OR2T11: variants seen among roughly 807,000 people sequenced by gnomAD.
The protein encoded by OR2T11 is olfactory receptor family 2 subfamily T member 11.
OR2T11 carries 14 observed loss-of-function variants against 13.5 expected under a neutral mutation model. The ratio of observed to expected loss-of-function variants is 1.04; its 90% CI spans 0.69 to 1.62. The LOEUF is 1.62. OR2T11 is among the 40% of genes most tolerant of loss of function. The pLI, the probability that OR2T11 is intolerant of heterozygous loss-of-function variation, is 0.00. For missense variants in OR2T11, 410 were observed against 389.7 expected (o/e 1.05, Z -0.44); for synonymous variants, 163 against 154.6 (o/e 1.05, Z -0.40).
In OR2T11 at chr1:248,633,684, A is replaced by C. The variant is rs775740709; in HGVS notation, c.-145+1354T>G. ...ATTTTAATTTTTCCAAGTTTATAGA[A>C]TACTTCATTAACATCACTGGTCATT... On this transcript the variant is annotated intron_variant, in intron 1 of 1. Coordinates refer to ENST00000641193, the MANE Select transcript of OR2T11 (RefSeq NM_001001964.2). Among the ~76,000 whole-genome samples the C allele has an allele frequency of 2.6e-4, 17 of 65,238 alleles. 2 individuals carry two copies. The highest frequency in any genetic ancestry group is 4.4e-4 in the Non-Finnish European group (14 of 31,508). 42.8% of individuals were successfully genotyped at this position (65,238 alleles called of 152,430 possible).
At position 248,627,778 on chromosome 1, in the gene OR2T11, A is replaced by G. The variant is rs1660546007; in HGVS notation, c.-144-506T>C. Among the ~76,000 whole-genome samples the G allele has an allele frequency of 1.4e-5, 2 of 142,170 alleles. 1 individual carries two copies. The highest frequency in any genetic ancestry group is 5.6e-5 in the African/African-American group (2 of 35,830). The allele number at this position is 142,170 out of a possible 152,430, so 93.3% of individuals were successfully genotyped here. ...TAGCGTAGGTTGTGCTCACATTACT[A>G]ATTTCTCACCCCTCGCTCCGCTTTC... On this transcript the variant is annotated intron_variant, in intron 1 of 1. Coordinates refer to ENST00000641193, the MANE Select transcript of OR2T11 (RefSeq NM_001001964.2).
In OR2T11 at chr1:248,629,064, CTCT is replaced by C. The variant is rs1660566682; in HGVS notation, c.-144-1795_-144-1793del. ...CCACACTAAGGAGAAGAGAGCACAT[CTCT>C]TTGTCATATTAAACAAATTCAAACA... On this transcript the variant is annotated intron_variant, in intron 1 of 1. Transcript: ENST00000641193. Among the ~76,000 whole-genome samples the C allele has an allele frequency of 1.4e-5, 2 of 143,686 alleles. 1 individual carries two copies. Among genetic ancestry groups the C allele is most frequent in the Non-Finnish European group, 3.0e-5 (2 of 66,342 alleles). 94.3% of individuals were successfully genotyped at this position (143,686 alleles called of 152,430 possible). A position where few individuals can be genotyped will look rare whatever the true frequency, so the allele number is the denominator to read the frequency against.
At position 248,626,238 on chromosome 1, in the gene OR2T11, T is replaced by C; in HGVS notation, c.891A>G (p.Ala297=). 1.9e-6 allele frequency: 3 copies of C among 1,568,882 alleles called. No individual in the cohort carries two copies. The highest frequency in any genetic ancestry group is 2.3e-5 in the South Asian group (2 of 88,802). Residue 297 remains alanine, a synonymous_variant, in exon 2 of 2, where the codon GCA becomes GCG. Transcript: ENST00000641193. ...AGCAACATGCAAATACCTTTTTAAA[T>C]GCCCCTATGACGTCCTTGTTTCTGA... ...YSLRNKDVIG[A]FKKVFACCSS...
chr1:248,625,302 C>A lies in OR2T11; in HGVS notation c.*876G>T, dbSNP rs1660498056. The A allele has an allele frequency of 2.1e-5, 3 of 143,366 alleles. 1 individual carries two copies. Among genetic ancestry groups the A allele is most frequent in the Non-Finnish European group, 4.5e-5 (3 of 66,310 alleles). 8.9% of individuals were successfully genotyped at this position (143,366 alleles called of 1,614,324 possible). On this transcript the variant is annotated 3_prime_UTR_variant, in exon 2 of 2. Coordinates refer to ENST00000641193, the MANE Select transcript of OR2T11 (RefSeq NM_001001964.2). ...GTTTGCCCTTTGTTCTATTTTCCTA[C>A]ACTGTAGGCATAGTGATGCTTTAAA... is the stretch of plus-strand genomic sequence containing the variant.
At chr1:248,634,486 C>G (rs77108179) in intron 1 of OR2T11, among the ~76,000 whole-genome samples, 11,930 of 142,590 alleles carry the variant, frequency 0.084, 1,861 homozygotes, top group East Asian at 0.21. Context: ...GACATGGTCA[C>G]GGGAGTCACC....
Position 248,627,022 on chromosome 1 carries a change from A to G in OR2T11, c.107T>C (p.Val36Ala). 1 of 1,570,124 alleles carries G rather than the reference A, an allele frequency of 6.4e-7. No individual in the cohort carries two copies. The highest frequency in any genetic ancestry group is 1.1e-5 in the South Asian group (1 of 88,792). Residue 36 changes from valine to alanine, a missense_variant, in exon 2 of 2, where the codon GTG (valine) becomes GCG (alanine). Val to Ala is a moderately conservative substitution (Grantham distance 64, BLOSUM62 0). Coordinates refer to ENST00000641193, the MANE Select transcript of OR2T11 (RefSeq NM_001001964.2). ...TVILAVFLGA[V>A]TANLVMIFLI... ...GAATATCATGACCAAATTTGCAGTC[A>G]CGGCCCCCAAGAAAACAGCAAGGAT... is the stretch of plus-strand genomic sequence containing the variant.
rs1434526932 is a variant in OR2T11 at position 248,626,007 on chromosome 1, C to T, written c.*171G>A. ...TTGATACTTCACTGAAAGATCTCTG[C>T]ATAACAGTAAAACATCTTTCCCTTG... On this transcript the variant is annotated 3_prime_UTR_variant, in exon 2 of 2. Transcript: ENST00000641193. 9.7e-6 allele frequency: 5 copies of T among 516,504 alleles called. No individual in the cohort carries two copies. The highest frequency in any genetic ancestry group is 3.3e-5 in the Admixed American group (1 of 30,328). The allele number at this position is 516,504 out of a possible 1,614,324, so 32.0% of individuals were successfully genotyped here.
At position 248,628,814 on chromosome 1, in the gene OR2T11, G is replaced by A. The variant is rs537865458; in HGVS notation, c.-144-1542C>T. ...TCATATTACTGTGAAAGGGGCTAAG[G>A]ACTGTGGCCTCCTCTGTCAGGCCTC... is the stretch of plus-strand genomic sequence containing the variant. On this transcript the variant is annotated intron_variant, in intron 1 of 1. Transcript: ENST00000641193. Among the ~76,000 whole-genome samples the A allele has an allele frequency of 1.4e-5, 2 of 142,844 alleles. 1 individual carries two copies. The highest frequency in any genetic ancestry group is 4.4e-4 in the South Asian group (2 of 4,536). The allele number at this position is 142,844 out of a possible 152,430, so 93.7% of individuals were successfully genotyped here. A position where few individuals can be genotyped will look rare whatever the true frequency, so the allele number is the denominator to read the frequency against.
chr1:248,626,820 G>A lies in OR2T11; in HGVS notation c.309C>T (p.Thr103=), dbSNP rs749957018. The A allele has an allele frequency of 8.3e-6, 13 of 1,571,742 alleles. No individual in the cohort carries two copies. The East Asian group carries it at 3.0e-4, about 36-fold the overall frequency. ...ACGIQIFLYL[T]MIGSEFFLLG... is the part of the protein sequence containing the mutation. ...GGAGGAAGAACTCAGAACCAATCAT[G>A]GTCAGGTAGAGGAAGATCTGGATGC... is the stretch of plus-strand genomic sequence containing the variant. The change falls in exon 2 of 2, where the codon ACC becomes ACT. Residue 103 remains threonine (T), a synonymous_variant. Coordinates refer to ENST00000641193, the MANE Select transcript of OR2T11 (RefSeq NM_001001964.2).
At chr1:248,627,672 T>G (rs1444806916) in intron 1 of OR2T11, among the ~76,000 whole-genome samples, 4 of 143,428 alleles carry the variant, frequency 2.8e-5, no homozygotes, top group Admixed American at 2.0e-4. Context: ...TTTGTATAAG[T>G]TTAAGGACGA....
chr1:248,630,723 CTT>C (rs1248287814), intron 1 of OR2T11, among the ~76,000 whole-genome samples: 1 of 143,924 alleles, frequency 6.9e-6, no homozygotes, highest in Non-Finnish European at 1.5e-5. Context: ...CTGTAATAGA[CTT>C]AGTGTTAAAT....
rs1660491659 is a variant in OR2T11 at position 248,624,815 on chromosome 1, A to G, written c.*1363T>C. 7.0e-6 allele frequency: 1 copy of G among 143,840 alleles called. No homozygotes were observed. Among genetic ancestry groups the G allele is most frequent in the South Asian group, 2.2e-4 (1 of 4,594 alleles). 8.9% of individuals were successfully genotyped at this position (143,840 alleles called of 1,614,324 possible). ...GCCATCACGGCTCACTGCAGCCTCA[A>G]CTTCTCAGCCTCCCGTGATCCTCCC... On this transcript the variant is annotated 3_prime_UTR_variant, in exon 2 of 2. Transcript: ENST00000641193.
Position 248,626,127 on chromosome 1 carries a change from G to A in OR2T11, c.*51C>T, listed in dbSNP as rs1176913965. 9.9e-7 allele frequency: 1 copy of A among 1,014,778 alleles called. No individual in the cohort carries two copies. 62.9% of individuals were successfully genotyped at this position (1,014,778 alleles called of 1,614,324 possible). A position where few individuals can be genotyped will look rare whatever the true frequency, so the allele number is the denominator to read the frequency against. The stretch of plus-strand genomic sequence containing the variant: ...TGAGCAGATCATCTCCAGGGAAACA[G>A]GGCAAATGGAGGAAGTCCTTAGGAA... On this transcript the variant is annotated 3_prime_UTR_variant, in exon 2 of 2. Coordinates refer to ENST00000641193, the MANE Select transcript of OR2T11 (RefSeq NM_001001964.2).
In OR2T11 at chr1:248,626,694, G is replaced by A. The variant is rs1157405446; in HGVS notation, c.435C>T (p.Ala145=). ...AGCCATCGAGGGAGCCCCCAAACCA[G>A]GCACCAGCAGCCAGCAAAAGACACT... is the stretch of plus-strand genomic sequence containing the variant. The part of the protein sequence containing the change: ...RKKCLLLAAG[A]WFGGSLDGFL... The change falls in exon 2 of 2, where the codon GCC becomes GCT. Residue 145 remains alanine, a synonymous_variant. Coordinates refer to ENST00000641193, the MANE Select transcript of OR2T11 (RefSeq NM_001001964.2). 2.3e-5 allele frequency: 36 copies of A among 1,573,342 alleles called. 4 individuals carry two copies. Among genetic ancestry groups the A allele is most frequent in the Non-Finnish European group, 3.1e-5 (36 of 1,157,038 alleles).
rs747138304 is a variant in OR2T11, at chr1:248,626,281, T to G, written c.848A>C (p.Asn283Thr). The G allele has an allele frequency of 7.0e-6, 11 of 1,569,360 alleles. No individual in the cohort carries two copies. The South Asian group carries it at 1.2e-4, about 18-fold the overall frequency. Residue 283 changes from asparagine (N) to threonine (T), a missense_variant, in exon 2 of 2, where the codon AAT (asparagine) becomes ACT (threonine). Coordinates refer to ENST00000641193, the MANE Select transcript of OR2T11 (RefSeq NM_001001964.2). Reference sequence around the variant, plus strand: ...GTTTCTGAGGCTGTAGATGAGAGGATTAAGCATGGGCGTGACAATGGTATA... The same window carrying G: ...GTTTCTGAGGCTGTAGATGAGAGGAGTAAGCATGGGCGTGACAATGGTATA... The part of the protein sequence containing the change: ...AFYTIVTPML[N>T]PLIYSLRNKD...
chr1:248,626,157 T>C lies in OR2T11; in HGVS notation c.*21A>G, dbSNP rs766046389. 1 of 1,335,598 alleles carries C rather than the reference T, an allele frequency of 7.5e-7. No individual in the cohort carries two copies. Among genetic ancestry groups the C allele is most frequent in the Non-Finnish European group, 1.1e-6 (1 of 946,962 alleles). 82.7% of individuals were successfully genotyped at this position (1,335,598 alleles called of 1,614,324 possible). A position where few individuals can be genotyped will look rare whatever the true frequency, so the allele number is the denominator to read the frequency against. On this transcript the variant is annotated 3_prime_UTR_variant, in exon 2 of 2. Coordinates refer to ENST00000641193, the MANE Select transcript of OR2T11 (RefSeq NM_001001964.2). Reference sequence around the variant, plus strand: ...AATGGAGGAAGTCCTTAGGAAGCCTTATCCTCTGGGCAGTGACTCTCTAAG... The same window carrying C: ...AATGGAGGAAGTCCTTAGGAAGCCTCATCCTCTGGGCAGTGACTCTCTAAG...
At chr1:248,630,587 T>C (rs917146884) in intron 1 of OR2T11, among the ~76,000 whole-genome samples, 1 of 144,120 alleles carries the variant, frequency 6.9e-6, no homozygotes, top group Non-Finnish European at 1.5e-5. Context: ...CTAGTTAGAA[T>C]TCACCTTATG....
At position 248,623,939 on chromosome 1, in the gene OR2T11, A is replaced by G. The variant is rs1470250974; in HGVS notation, c.*2239T>C. The G allele has an allele frequency of 7.1e-6, 1 of 140,648 alleles. No individual in the cohort carries two copies. The highest frequency in any genetic ancestry group is 1.5e-5 in the Non-Finnish European group (1 of 65,362). The allele number at this position is 140,648 out of a possible 1,614,324, so 8.7% of individuals were successfully genotyped here. On this transcript the variant is annotated 3_prime_UTR_variant, in exon 2 of 2. Coordinates refer to ENST00000641193, the MANE Select transcript of OR2T11 (RefSeq NM_001001964.2). ...CCAAGATGATTCTCTTCTCCTCTCA[A>G]ACTTTTGACGGGACCACCCTGATCT... is the stretch of plus-strand genomic sequence containing the variant.
At chr1:248,634,428 T>TAC (rs1364995156) in intron 1 of OR2T11, among the ~76,000 whole-genome samples, 1 of 142,638 alleles carries the variant, frequency 7.0e-6, no homozygotes, top group Non-Finnish European at 1.5e-5. Flanking sequence ...TGGCCTTTAT[T>TAC]ACCTGGGATT....
Sources: gnomAD v4.1 joint callset for allele counts (sites outside exome capture counted in the v4.1 genomes callset) on GRCh38, gnomAD v4.1.1 for gene constraint, MANE v1.5 for transcripts, NCBI Gene and HGNC (gene_info 2026-07-23, HGNC 2026-07-21) for gene names.